The following SERPINE2 variants were observed in gnomAD, a reference collection of about 807,000 sequenced individuals.
The protein encoded by SERPINE2 is glia-derived nexin.
SERPINE2 carries 14 observed loss-of-function variants against 36.3 expected under a neutral mutation model. The observed-to-expected ratio is 0.39, with a 90% CI of 0.25 to 0.60. The LOEUF (loss-of-function observed/expected upper bound fraction) is 0.60, where lower values mean the gene tolerates loss of function less well. Among genes scored for constraint, SERPINE2 ranks in the 20% least tolerant of loss-of-function variants. The pLI is 0.57. For missense variants in SERPINE2, 418 were observed against 499.6 expected (o/e 0.84, Z 1.56); for synonymous variants, 192 against 191.8 (o/e 1.00, Z -0.01).
At chr2:224,022,146 G>C in intron 1 of SERPINE2, among the ~76,000 whole-genome samples, 1 of 127,514 alleles carries the variant, frequency 7.8e-6, no homozygotes, top group Non-Finnish European at 1.6e-5. Context: ...GCAACAGAGC[G>C]AGACTCCTTC....
At chr2:224,010,414 A>G (rs930244738) in intron 1 of SERPINE2, 14 of 969,532 alleles carry the variant, frequency 1.4e-5, no homozygotes, top group Middle Eastern at 1.0e-3. Flanking sequence ...ATATTTTATT[A>G]TAAAGTACAC....
At position 223,975,062 on chromosome 2, in the gene SERPINE2, T is replaced by C. The variant is rs1163400503; in HGVS notation, c.*805A>G. On this transcript the variant is annotated 3_prime_UTR_variant, in exon 9 of 9. Coordinates refer to ENST00000409304, the MANE Select transcript of SERPINE2 (RefSeq NM_001136528.2). ...CTCCGAGCTTTGAATTTCCTGATGT[T>C]TACATAGTACAAAGGTTTATTAGAA... 2 of 152,232 alleles carry C rather than the reference T, an allele frequency of 1.3e-5. No individual in the cohort carries two copies. The highest frequency in any genetic ancestry group is 4.8e-5 in the African/African-American group (2 of 41,448). 9.4% of individuals were successfully genotyped at this position (152,232 alleles called of 1,614,324 possible). A position where few individuals can be genotyped will look rare whatever the true frequency, so the allele number is the denominator to read the frequency against.
In SERPINE2 at chr2:223,991,964, T is replaced by C. The variant is rs1690693279; in HGVS notation, c.524A>G (p.Asp175Gly). The C allele has an allele frequency of 6.2e-7, 1 of 1,613,852 alleles. No homozygotes were observed. Among genetic ancestry groups the C allele is most frequent in the Non-Finnish European group, 8.5e-7 (1 of 1,179,912 alleles). Residue 175 changes from aspartate to glycine, a missense_variant, in exon 4 of 9, where the codon GAT (aspartate) becomes GGT (glycine). By Grantham distance (94) the Asp-to-Gly change is moderately conservative (BLOSUM62 -1). Coordinates refer to ENST00000409304, the MANE Select transcript of SERPINE2 (RefSeq NM_001136528.2). ...IDNLLSPDLIDGVLTRLVLVN... is the reference protein window; with the variant it reads ...IDNLLSPDLIGGVLTRLVLVN... Reference sequence around the variant, plus strand: ...GAGGACCAGTCTGGTGAGCACACCATCAATAAGATCTGGGGACAGCAGATT... The same window carrying C: ...GAGGACCAGTCTGGTGAGCACACCACCAATAAGATCTGGGGACAGCAGATT...
intron 1 of SERPINE2, among the ~76,000 whole-genome samples, chr2:224,020,624 T>C (rs1022332017): frequency 2.6e-5 from 4 of 152,250 alleles, no homozygotes; most frequent in African/African-American, 4.8e-5. Flanking sequence ...TTTTCAATTA[T>C]TGGCTAAACT....
At chr2:224,036,462 C>T (rs781716814) in intron 1 of SERPINE2, among the ~76,000 whole-genome samples, 2 of 148,174 alleles carry the variant, frequency 1.3e-5, no homozygotes, top group South Asian at 4.4e-4. Flanking sequence ...AGGGAAACAT[C>T]ACACACTGGG....
intron 1 of SERPINE2, among the ~76,000 whole-genome samples, chr2:224,035,107 G>T (rs1450815060): frequency 1.1e-5 from 1 of 90,846 alleles, no homozygotes; most frequent in Non-Finnish European, 2.5e-5. Context: ...AGTCACACCA[G>T]CAATAACATG....
intron 1 of SERPINE2, among the ~76,000 whole-genome samples, chr2:224,007,897 G>A (rs553401403): frequency 1.3e-5 from 2 of 152,210 alleles, no homozygotes; most frequent in South Asian, 4.1e-4. Context: ...CCTGTAAACT[G>A]TTAGAGCTAG....
intron 8 of SERPINE2, among the ~76,000 whole-genome samples, chr2:223,976,783 C>A (rs1690029078): frequency 6.6e-6 from 1 of 152,206 alleles, no homozygotes; most frequent in South Asian, 2.1e-4. Flanking sequence ...GAGCAAAAAT[C>A]TACTGTATTA....
intron 5 of SERPINE2, among the ~76,000 whole-genome samples, chr2:223,984,274 T>C (rs1405623687): frequency 6.6e-6 from 1 of 152,228 alleles, no homozygotes; most frequent in Admixed American, 6.5e-5. Context: ...AATTCCATCT[T>C]TGTCTTACTC....
chr2:223,987,373 A>C (rs1308698838), intron 4 of SERPINE2, among the ~76,000 whole-genome samples: 1 of 152,150 alleles, frequency 6.6e-6, no homozygotes, highest in Non-Finnish European at 1.5e-5. Flanking sequence ...TGATAAAAGC[A>C]CAACTCCCAA....
intron 2 of SERPINE2, 159 bp downstream of exon 2, chr2:224,001,483 T>G: frequency 1.4e-6 from 1 of 720,578 alleles, no homozygotes. Flanking sequence ...ACAGTGTTTG[T>G]TCTTTAGAAG....
chr2:223,994,309 C>T (rs1441777680), intron 3 of SERPINE2, among the ~76,000 whole-genome samples: 1 of 152,212 alleles, frequency 6.6e-6, no homozygotes, highest in Non-Finnish European at 1.5e-5. Flanking sequence ...TAGAAATGTC[C>T]TTAGCCCCTT....
intron 4 of SERPINE2, among the ~76,000 whole-genome samples, chr2:223,986,885 G>A (rs1403067158): frequency 6.6e-6 from 1 of 152,092 alleles, no homozygotes; most frequent in African/African-American, 2.4e-5. Flanking sequence ...CACAGAAGCT[G>A]ATGACCAGTG....
intron 1 of SERPINE2, chr2:224,031,246 A>G (rs1471010221): frequency 1.8e-5 from 16 of 900,474 alleles, no homozygotes; most frequent in African/African-American, 2.9e-5. Context: ...CCACTTTGGC[A>G]TACAGGCTGT....
intron 1 of SERPINE2, chr2:224,030,713 G>GT (rs1692334601): frequency 6.5e-6 from 1 of 152,842 alleles, no homozygotes; most frequent in East Asian, 1.9e-4. Context: ...TGAAATAAAG[G>GT]TAACTATAAA....
chr2:223,989,516 T>A (rs1026723792), intron 4 of SERPINE2, among the ~76,000 whole-genome samples: 1 of 152,156 alleles, frequency 6.6e-6, no homozygotes, highest in Non-Finnish European at 1.5e-5. Flanking sequence ...AATCAGCCAC[T>A]TGGGGACACC....
chr2:224,005,065 T>TATATATATATATATATATATATA (rs1553547020), intron 1 of SERPINE2, among the ~76,000 whole-genome samples: 2 of 33,554 alleles, frequency 6.0e-5, no homozygotes, highest in African/African-American at 1.0e-4. Context: ...TTTATATATA[T>TATATATATATATATATATATATA]TATATATATA....
At chr2:224,001,513 A>T in intron 2 of SERPINE2, 129 bp downstream of exon 2, 1 of 1,047,838 alleles carries the variant, frequency 9.5e-7, no homozygotes, top group Non-Finnish European at 1.4e-6. Context: ...CCAAGCCCCA[A>T]GTGGCACCAG....
intron 2 of SERPINE2, among the ~76,000 whole-genome samples, chr2:224,000,475 T>G (rs1691071318): frequency 6.6e-6 from 1 of 152,210 alleles, no homozygotes; most frequent in Non-Finnish European, 1.5e-5. Context: ...GGGCCTTACT[T>G]TAAAACAATT....
Sources: gnomAD v4.1 joint callset for allele counts (sites outside exome capture counted in the v4.1 genomes callset) on GRCh38, gnomAD v4.1.1 for gene constraint, MANE v1.5 for transcripts, NCBI Gene and HGNC (gene_info 2026-07-23, HGNC 2026-07-21) for gene names.